The following TENM1 variants were observed in gnomAD, a reference collection of about 807,000 sequenced individuals.
The protein encoded by TENM1 is teneurin transmembrane protein 1.
In TENM1, 35 loss-of-function variants were observed where a neutral mutation model predicts 174.8. The observed-to-expected ratio is 0.20, with a 90% CI of 0.15 to 0.27. The LOEUF (loss-of-function observed/expected upper bound fraction) is 0.27, where lower values mean the gene tolerates loss of function less well. Among genes scored for constraint, TENM1 ranks in the 10% least tolerant of loss-of-function variants. The pLI is 1.00. For synonymous variants in TENM1, 781 were observed against 798.7 expected (o/e 0.98, Z 0.37); for missense variants, 1,633 against 2,130.1 (o/e 0.77, Z 4.59).
At chrX:124,977,803 G>C in the TENM1 span, among the ~76,000 whole-genome samples, 119 of 110,446 alleles carry the variant, frequency 1.1e-3, no homozygotes, top group African/African-American at 3.8e-3. Flanking sequence ...AGTATTTCAT[G>C]TCCTTTTAAA....
At chrX:124,881,012 C>T (rs779536147) in intron 3 of TENM1, among the ~76,000 whole-genome samples, 72 of 111,521 alleles carry the variant, frequency 6.5e-4, no homozygotes, top group African/African-American at 2.3e-3. Context: ...TTGTGACTTT[C>T]GTGGTTTTAG....
At chrX:124,966,640 C>T (rs7888507), upstream of TENM1, among the ~76,000 whole-genome samples, 5 of 102,212 alleles carry the variant, frequency 4.9e-5, no homozygotes, top group South Asian at 4.5e-4. Context: ...CCAGCCTGGG[C>T]GACAGAGCGA....
At chrX:125,147,580 A>G in the TENM1 span, among the ~76,000 whole-genome samples, 1 of 110,950 alleles carries the variant, frequency 9.0e-6, no homozygotes, top group Non-Finnish European at 1.9e-5. Flanking sequence ...CCTCAATAAG[A>G]CCTCCAACCA....
chrX:124,997,298 G>A, the TENM1 span, among the ~76,000 whole-genome samples: 1 of 111,695 alleles, frequency 9.0e-6, no homozygotes, highest in Non-Finnish European at 1.9e-5. Flanking sequence ...TGAATGAGCT[G>A]AATTATGGTA....
At chrX:124,710,440 G>A (rs2053019231) in intron 4 of TENM1, among the ~76,000 whole-genome samples, 1 of 111,828 alleles carries the variant, frequency 8.9e-6, no homozygotes, top group East Asian at 2.8e-4. Flanking sequence ...GTTCCAATAT[G>A]TTGGATATTG....
At chrX:124,893,883 G>A (rs1234193848) in intron 3 of TENM1, among the ~76,000 whole-genome samples, 1 of 111,306 alleles carries the variant, frequency 9.0e-6, no homozygotes, top group Admixed American at 9.6e-5. Flanking sequence ...AAGAGACCAA[G>A]GCCAACTGCT....
chrX:124,904,200 T>C (rs749636517), intron 1 of TENM1, among the ~76,000 whole-genome samples: 3 of 111,618 alleles, frequency 2.7e-5, no homozygotes, highest in African/African-American at 9.8e-5. Flanking sequence ...TACATACTCA[T>C]AGAGGCAAGC....
At chrX:124,651,077 T>C (rs1036627960) in intron 8 of TENM1, among the ~76,000 whole-genome samples, 10 of 112,233 alleles carry the variant, frequency 8.9e-5, no homozygotes, top group Non-Finnish European at 1.9e-4. Flanking sequence ...GAGGATTGTA[T>C]TGAAAATTGA....
chrX:125,108,748 GTATATA>G, the TENM1 span, among the ~76,000 whole-genome samples: 1 of 105,542 alleles, frequency 9.5e-6, no homozygotes, highest in Non-Finnish European at 1.9e-5. Flanking sequence ...ACACACACGT[GTATATA>G]TATATATACA....
chrX:124,895,316 T>C (rs1451140553), intron 2 of TENM1, among the ~76,000 whole-genome samples: 1 of 112,136 alleles, frequency 8.9e-6, no homozygotes, highest in African/African-American at 3.2e-5. Context: ...TTTTGTTCTC[T>C]GGTAGGAGCA....
the TENM1 span, among the ~76,000 whole-genome samples, chrX:125,113,301 G>A: frequency 2.2e-4 from 24 of 110,931 alleles, no homozygotes; most frequent in African/African-American, 7.9e-4. Context: ...AAATGCAGCG[G>A]AAAACTGTCA....
chrX:124,624,890 T>G (rs1180755490), intron 11 of TENM1, among the ~76,000 whole-genome samples: 1 of 112,682 alleles, frequency 8.9e-6, no homozygotes, highest in Admixed American at 9.4e-5. Flanking sequence ...CTTTGCCTCC[T>G]ACTGGCTATT....
At chrX:124,584,212 C>G (rs1189766112) in intron 11 of TENM1, among the ~76,000 whole-genome samples, 4 of 109,568 alleles carry the variant, frequency 3.7e-5, no homozygotes, top group Non-Finnish European at 7.6e-5. Flanking sequence ...TCGAGAAGAG[C>G]AACTCCAAGA....
chrX:124,807,232 T>C (rs189898498), intron 3 of TENM1, among the ~76,000 whole-genome samples: 41 of 111,895 alleles, frequency 3.7e-4, no homozygotes, highest in Middle Eastern at 4.6e-3. Flanking sequence ...ACATCCAACA[T>C]TGGGGATTAC....
the TENM1 span, among the ~76,000 whole-genome samples, chrX:125,097,101 C>G: frequency 9.0e-6 from 1 of 111,067 alleles, no homozygotes; most frequent in African/African-American, 3.3e-5. Flanking sequence ...CCAGACTCAC[C>G]AACCACCACC....
At chrX:124,872,232 C>G (rs1321634976) in intron 3 of TENM1, among the ~76,000 whole-genome samples, 2 of 110,609 alleles carry the variant, frequency 1.8e-5, no homozygotes, top group South Asian at 3.9e-4. Context: ...ATGTTTAGCA[C>G]TAGTAACCTG....
At chrX:124,428,478 C>A (rs779001686) in intron 23 of TENM1, among the ~76,000 whole-genome samples, 1 of 112,057 alleles carries the variant, frequency 8.9e-6, no homozygotes, top group South Asian at 3.7e-4. Context: ...ATGCTCAAAC[C>A]ACCATTTGTA....
chrX:124,533,742 T>C (rs752147546), intron 15 of TENM1, among the ~76,000 whole-genome samples: 1 of 112,293 alleles, frequency 8.9e-6, no homozygotes, highest in East Asian at 2.8e-4. Context: ...GTCTGGACTG[T>C]CATGCGGCTG....
chrX:124,685,364 TA>T (rs932650166), intron 5 of TENM1, among the ~76,000 whole-genome samples: 4 of 107,915 alleles, frequency 3.7e-5, no homozygotes, highest in Admixed American at 2.0e-4. Flanking sequence ...ATAGAAGCCA[TA>T]AAAAAAAATC....
Sources: gnomAD v4.1 joint callset for allele counts (sites outside exome capture counted in the v4.1 genomes callset) on GRCh38, gnomAD v4.1.1 for gene constraint, MANE v1.5 for transcripts, NCBI Gene and HGNC (gene_info 2026-07-23, HGNC 2026-07-21) for gene names.